The following NPHS1 variants were observed in gnomAD, a reference collection of about 807,000 sequenced individuals.
The protein encoded by NPHS1 is NPHS1 adhesion molecule, nephrin.
A neutral mutation model predicts 139.7 loss-of-function variants in NPHS1; 107 were observed. The ratio of observed to expected loss-of-function variants is 0.77; its 90% CI spans 0.66 to 0.90. NPHS1 has a LOEUF of 0.90. NPHS1 is among the 40% of genes least tolerant of loss of function. The pLI, the probability that NPHS1 is intolerant of heterozygous loss-of-function variation, is 0.00. For synonymous variants in NPHS1, 707 were observed against 706.6 expected (o/e 1.00, Z -0.01); for missense variants, 1,580 against 1,654.2 (o/e 0.96, Z 0.78).
In NPHS1 at chr19:35,845,662, C is replaced by G. The variant is rs1224534045; in HGVS notation, c.1757+7G>C. On this transcript the variant is annotated splice_region_variant and intron_variant, in intron 13 of 28. Coordinates refer to ENST00000378910, the MANE Select transcript of NPHS1 (RefSeq NM_004646.4). This position sits in a 1 kb window ranked among gnomAD's most constrained non-coding sequence, Gnocchi z 5.5. ...CCAGAGAGGGGAGGGATCCCTCGCA[C>G]TCCCACCTCTCCCCTTCCTTGTCCC... 2 of 1,613,026 alleles carry G rather than the reference C, an allele frequency of 1.2e-6. No individual in the cohort carries two copies. Among genetic ancestry groups the G allele is most frequent in the African/African-American group, 2.7e-5 (2 of 74,924 alleles).
At position 35,849,165 on chromosome 19, in the gene NPHS1, C is replaced by A. The variant is rs765870395; in HGVS notation, c.841-18G>T. 24 of 1,611,890 alleles carry A rather than the reference C, an allele frequency of 1.5e-5. No individual in the cohort carries two copies. In the East Asian group the frequency reaches 5.1e-4, roughly 34 times the overall value. On this transcript the variant is annotated intron_variant, in intron 7 of 28. Transcript: ENST00000378910. ...TGGCCATTCTGGAGACAGGGACAGG[C>A]CTGGGCCAGCTCAGGACTGGCTCCC... is the stretch of plus-strand genomic sequence containing the variant.
chr19:35,851,097 G>C lies in NPHS1; in HGVS notation c.398-8C>G, dbSNP rs1315845168. 3 of 1,614,176 alleles carry C rather than the reference G, an allele frequency of 1.9e-6. No individual in the cohort carries two copies. Among genetic ancestry groups the C allele is most frequent in the Non-Finnish European group, 1.7e-6 (2 of 1,180,044 alleles). On this transcript the variant is annotated splice_polypyrimidine_tract_variant and splice_region_variant and intron_variant, in intron 3 of 28. Coordinates refer to ENST00000378910, the MANE Select transcript of NPHS1 (RefSeq NM_004646.4). ...GGAGCAGCTTGGGAGGAACTGGTGA[G>C]AGAAGGGTCTGGGGTAAGCTTCCAG... is the stretch of plus-strand genomic sequence containing the variant.
At chr19:35,833,496 A>G (rs987106299) in intron 23 of NPHS1, among the ~76,000 whole-genome samples, 18 of 152,184 alleles carry the variant, frequency 1.2e-4, no homozygotes, top group African/African-American at 4.1e-4. Flanking sequence ...GTTTTTAACA[A>G]AACATTTAGG....
chr19:35,832,763 T>C (rs1972901026), intron 23 of NPHS1, among the ~76,000 whole-genome samples: 2 of 150,334 alleles, frequency 1.3e-5, no homozygotes, highest in Admixed American at 6.6e-5. Flanking sequence ...GGCAGGCACC[T>C]GTAGTCCCAG....
chr19:35,839,212 A>G (rs372274668), intron 22 of NPHS1, 25 bp downstream of exon 22: 1 of 1,612,848 alleles, frequency 6.2e-7, no homozygotes, highest in Non-Finnish European at 8.5e-7. Context: ...GGAATACTCC[A>G]ACCTGCCCAA....
rs1431105599 is a variant in NPHS1, at chr19:35,846,209, T to A, written c.1441-15A>T. ...GTGCGCGAGTCCTACGGGCCGGGAG[T>A]GACTGGGGTTCGCAGGCAGCCCTGC... On this transcript the variant is annotated splice_polypyrimidine_tract_variant and intron_variant, in intron 11 of 28. Coordinates refer to ENST00000378910, the MANE Select transcript of NPHS1 (RefSeq NM_004646.4). 1.3e-6 allele frequency: 2 copies of A among 1,570,822 alleles called. No individual in the cohort carries two copies. The highest frequency in any genetic ancestry group is 1.2e-5 in the South Asian group (1 of 86,004).
chr19:35,839,408 G>C lies in NPHS1; in HGVS notation c.2938C>G (p.Leu980Val). The change falls in exon 22 of 29, where the codon CTG (leucine) becomes GTG (valine). Residue 980 changes from leucine (L) to valine (V), a missense_variant. Physicochemically the swap from Leu to Val is conservative, Grantham distance 32 (BLOSUM62 1). Transcript: ENST00000378910. ...ACATAGTGGAACCCTGGAGTCCCCA[G>C]GGCCTCATACCTGCAGGACAGGGGG... ...PQRFCIRYEA[L>V]GTPGFHYVDV... 6.2e-7 allele frequency: 1 copy of C among 1,614,160 alleles called. No homozygotes were observed. The highest frequency in any genetic ancestry group is 2.2e-5 in the East Asian group (1 of 44,890).
chr19:35,841,101 G>A (rs1374605372), intron 20 of NPHS1, among the ~76,000 whole-genome samples: 1 of 151,882 alleles, frequency 6.6e-6, no homozygotes, highest in African/African-American at 2.4e-5. Context: ...TAAGAATGAA[G>A]AGGGCTGGTC....
intron 20 of NPHS1, among the ~76,000 whole-genome samples, chr19:35,841,188 C>T (rs1280093880): frequency 6.6e-6 from 1 of 151,826 alleles, no homozygotes; most frequent in Non-Finnish European, 1.5e-5. Flanking sequence ...GCCTGGCCAA[C>T]ATGGTGAAAC....
Position 35,851,480 on chromosome 19 carries a change from C to T in NPHS1, c.251G>A (p.Arg84His), listed in dbSNP as rs959393189. The change falls in exon 2 of 29, where the codon CGC becomes CAC. Residue 84 changes from arginine (R) to histidine (H), a missense_variant. By Grantham distance (29) the Arg-to-His change is conservative. Coordinates refer to ENST00000378910, the MANE Select transcript of NPHS1 (RefSeq NM_004646.4). Reference protein sequence around the residue: ...DPRIPGFPRYRLEGDPARGEF... With the variant: ...DPRIPGFPRYHLEGDPARGEF... ...ACCTCTAGCAGGGTCCCCTTCCAGG[C>T]GGTACCTCGGGAAGCCTGGGATCCT... 9.3e-6 allele frequency: 15 copies of T among 1,613,492 alleles called. No homozygotes were observed. The highest frequency in any genetic ancestry group is 1.2e-5 in the Non-Finnish European group (14 of 1,179,982).
In NPHS1 at chr19:35,830,889, G is replaced by T. The variant is rs767887213; in HGVS notation, c.3549C>A (p.Tyr1183Ter). The T allele has an allele frequency of 2.9e-5, 46 of 1,613,776 alleles. No homozygotes were observed. The highest frequency in any genetic ancestry group is 3.7e-5 in the Non-Finnish European group (44 of 1,179,774). The change falls in exon 28 of 29, where the codon TAC becomes TAA. Residue 1183 changes from tyrosine to a stop codon, truncating the protein, a stop_gained. Transcript: ENST00000378910. LOFTEE classifies it low-confidence loss of function (END_TRUNC). ...GHLYDEVERT[Y>*]PPSGAWGPLY... ...GGGGTCCCCAGGCTCCAGACGGGGG[G>T]TACGTTCTTTCTACCTCATCATACA...
chr19:35,843,631 C>T (rs773420942), intron 16 of NPHS1, 38 bp from the exon 17 acceptor site: 13 of 1,610,928 alleles, frequency 8.1e-6, no homozygotes, highest in Non-Finnish European at 8.5e-6. Flanking sequence ...ACACTTGGGC[C>T]CAGACAGGTC....
intron 5 of NPHS1, 151 bp downstream of exon 5, chr19:35,850,213 T>C: frequency 1.5e-6 from 1 of 680,938 alleles, no homozygotes; most frequent in Non-Finnish European, 2.6e-6. Context: ...ACCACCTCTG[T>C]TCCCCATGAA....
Position 35,839,494 on chromosome 19 carries a change from A to C in NPHS1, c.2927+2T>G. On this transcript the variant is annotated splice_donor_variant, in intron 21 of 28. Transcript: ENST00000378910. LOFTEE classifies it high-confidence loss of function. The stretch of plus-strand genomic sequence containing the variant: ...TTCCCTCCTGCCTCGACAAGGACCC[A>C]CCTGATGCAGAACCTCTGTGGCAGG... 6.2e-7 allele frequency: 1 copy of C among 1,613,964 alleles called. No homozygotes were observed. Among genetic ancestry groups the C allele is most frequent in the Non-Finnish European group, 8.5e-7 (1 of 1,179,878 alleles).
At chr19:35,843,135 C>G (rs1226176526) in intron 17 of NPHS1, among the ~76,000 whole-genome samples, 1 of 152,074 alleles carries the variant, frequency 6.6e-6, no homozygotes, top group Non-Finnish European at 1.5e-5. Context: ...TGATTTTTCT[C>G]CTTCAATCAT....
intron 17 of NPHS1, 85 bp downstream of exon 17, chr19:35,843,387 T>C (rs1973088042): frequency 1.3e-6 from 2 of 1,502,388 alleles, no homozygotes; most frequent in African/African-American, 1.4e-5. Context: ...TACAGATGTA[T>C]GTGGTCCCCA....
chr19:35,850,494 G>T (rs1401177584), intron 4 of NPHS1, 49 bp from the exon 5 acceptor site: 1 of 1,502,416 alleles, frequency 6.7e-7, no homozygotes, highest in Admixed American at 1.7e-5. Context: ...CCGCAAGATA[G>T]ATTCTGGGGA....
In NPHS1 at chr19:35,831,389, TG is replaced by T. The variant is rs753865137; in HGVS notation, c.3312-19del. On this transcript the variant is annotated intron_variant, in intron 25 of 28. Coordinates refer to ENST00000378910, the MANE Select transcript of NPHS1 (RefSeq NM_004646.4). ...CTTCCGACCTTCCAGGATGAAGGTG[TG>T]GGGGGAAGTTGAGTGCTGCCCCCCG... 7.4e-6 allele frequency: 12 copies of T among 1,613,224 alleles called. No individual in the cohort carries two copies. The highest frequency in any genetic ancestry group is 4.5e-5 in the East Asian group (2 of 44,878).
intron 28 of NPHS1, 81 bp from the exon 29 acceptor site, chr19:35,826,726 T>A: frequency 2.0e-6 from 3 of 1,482,578 alleles, no homozygotes; most frequent in Non-Finnish European, 2.8e-6. Context: ...TACATGCCCC[T>A]GCTTAACTTC....
Sources: allele counts gnomAD v4.1 joint callset (sites outside exome capture counted in the v4.1 genomes callset), GRCh38; gene constraint gnomAD v4.1.1; non-coding constraint Gnocchi (gnomAD v3.1); transcripts MANE v1.5; gene names NCBI Gene and HGNC (gene_info 2026-07-23, HGNC 2026-07-21).